Variants in MMP7 observed in about 807,000 individuals in gnomAD.
MMP7 encodes the protein matrix metallopeptidase 7, also known as matrilysin.
A neutral mutation model predicts 31.5 loss-of-function variants in MMP7; 26 were observed. That is an observed-to-expected ratio of 0.83 (90% CI 0.61 to 1.15). The LOEUF (loss-of-function observed/expected upper bound fraction) is 1.15. MMP7 is among the 50% of genes most tolerant of loss of function. The probability of loss-of-function intolerance (pLI) is 0.00; values close to 1 mark genes in which losing one functional copy is unlikely to be tolerated. For missense variants in MMP7, 367 were observed against 326.5 expected, an observed-to-expected ratio of 1.12 and a Z score of -0.96; for synonymous variants, 142 against 124.2, an observed-to-expected ratio of 1.14 and a Z score of -0.95.
At chr11:102,523,764 T>C (rs1858639127) in intron 4 of MMP7, among the ~76,000 whole-genome samples, 2 of 152,212 alleles carry the variant, frequency 1.3e-5, no homozygotes, top group African/African-American at 4.8e-5. Flanking sequence ...GACAGATTAA[T>C]TGATGTTGCT....
At chr11:102,527,256 C>T (rs1470875994) in intron 3 of MMP7, 1 of 444,596 alleles carries the variant, frequency 2.2e-6, no homozygotes, top group Non-Finnish European at 4.1e-6. Flanking sequence ...AGGAGCCTGA[C>T]TGTGTTCCAG....
Position 102,530,670 on chromosome 11 carries a change from G to C in MMP7, c.31C>G (p.Leu11Val). 1 of 1,613,942 alleles carries C rather than the reference G, an allele frequency of 6.2e-7. No individual in the cohort carries two copies. Among genetic ancestry groups the C allele is most frequent in the Non-Finnish European group, 8.5e-7 (1 of 1,179,946 alleles). MRLTVLCAVCLLPGSLALPLP... is the reference protein window; with the variant it reads MRLTVLCAVCVLPGSLALPLP... Reference sequence around the variant, plus strand: ...GGCAGGGCCAGGCTGCCAGGCAGCAGGCACACAGCACACAGCACGGTGAGT... The same window carrying C: ...GGCAGGGCCAGGCTGCCAGGCAGCACGCACACAGCACACAGCACGGTGAGT... Residue 11 changes from leucine to valine, a missense_variant, in exon 1 of 6, where the codon CTG becomes GTG. Leu to Val is a conservative substitution (Grantham distance 32, BLOSUM62 1). Coordinates refer to ENST00000260227, the MANE Select transcript of MMP7 (RefSeq NM_002423.5).
intron 1 of MMP7, among the ~76,000 whole-genome samples, chr11:102,529,103 T>C (rs1408437944): frequency 6.6e-6 from 1 of 152,226 alleles, no homozygotes. Context: ...GTTAAAATGA[T>C]TTAAACATTG....
intron 3 of MMP7, among the ~76,000 whole-genome samples, chr11:102,526,389 G>A (rs764445517): frequency 7.9e-5 from 12 of 151,754 alleles, no homozygotes; most frequent in Admixed American, 1.3e-4. Context: ...ACAGGCATGC[G>A]TCACCATGCT....
At chr11:102,521,337 A>G (rs868128924) in intron 5 of MMP7, among the ~76,000 whole-genome samples, 3 of 152,106 alleles carry the variant, frequency 2.0e-5, no homozygotes, top group Admixed American at 6.5e-5. Context: ...TGCTGGGACT[A>G]CAGACATGCA....
chr11:102,529,194 A>C (rs1391662931), intron 1 of MMP7, among the ~76,000 whole-genome samples: 1 of 152,232 alleles, frequency 6.6e-6, no homozygotes, highest in Non-Finnish European at 1.5e-5. Flanking sequence ...CAATTTATGT[A>C]AGAAATCTTA....
chr11:102,521,746 C>A (rs1407084014), intron 5 of MMP7, among the ~76,000 whole-genome samples: 2 of 152,274 alleles, frequency 1.3e-5, no homozygotes, highest in African/African-American at 4.8e-5. Context: ...AATCAGCATG[C>A]CTCAGACCTT....
Position 102,523,409 on chromosome 11 carries a change from C to T in MMP7, c.614-8G>A, listed in dbSNP as rs748027918. On this transcript the variant is annotated splice_polypyrimidine_tract_variant and splice_region_variant and intron_variant, in intron 4 of 5. Coordinates refer to ENST00000260227, the MANE Select transcript of MMP7 (RefSeq NM_002423.5). ...CATACAGGAAGTTAATCCCTACAACCGAAGAAGTGACAAACAGTAATGATA... is the reference window on the plus strand; with the variant it reads ...CATACAGGAAGTTAATCCCTACAACTGAAGAAGTGACAAACAGTAATGATA... 31 of 1,567,930 alleles carry T rather than the reference C, an allele frequency of 2.0e-5. No homozygotes were observed. The highest frequency in any genetic ancestry group is 2.2e-5 in the East Asian group (1 of 44,484).
intron 3 of MMP7, 164 bp downstream of exon 3, chr11:102,527,360 C>T: frequency 2.2e-6 from 2 of 896,342 alleles, no homozygotes; most frequent in Non-Finnish European, 3.3e-6. Context: ...TCTATATTAC[C>T]AGATTATAAA....
rs1416605868 is a variant in MMP7, at chr11:102,520,815, A to C, written c.776-11T>G. ...AATTACTTCTCTTTCCTATTGAGAGAAAAAAAAAGAACATTCTGATATGTA... is the reference window on the plus strand; with the variant it reads ...AATTACTTCTCTTTCCTATTGAGAGCAAAAAAAAGAACATTCTGATATGTA... On this transcript the variant is annotated splice_polypyrimidine_tract_variant and intron_variant, in intron 5 of 5. Transcript: ENST00000260227. 2.7e-6 allele frequency: 4 copies of C among 1,499,150 alleles called. No individual in the cohort carries two copies. The highest frequency in any genetic ancestry group is 3.6e-6 in the Non-Finnish European group (4 of 1,099,354). 92.9% of individuals were successfully genotyped at this position (1,499,150 alleles called of 1,614,324 possible).
intron 5 of MMP7, among the ~76,000 whole-genome samples, chr11:102,521,627 C>T (rs75952733): frequency 4.9e-4 from 74 of 152,280 alleles, no homozygotes; most frequent in Non-Finnish European, 9.6e-4. Flanking sequence ...TAATTAAATT[C>T]TATTTCCATT....
At position 102,528,054 on chromosome 11, in the gene MMP7, C is replaced by T. The variant is rs561437787; in HGVS notation, c.109-71G>A. 1.7e-5 allele frequency: 19 copies of T among 1,110,648 alleles called. No individual in the cohort carries two copies. In the African/African-American group the frequency reaches 2.9e-4, roughly 17 times the overall value. 68.8% of individuals were successfully genotyped at this position (1,110,648 alleles called of 1,614,324 possible). A position where few individuals can be genotyped will look rare whatever the true frequency, so the allele number is the denominator to read the frequency against. ...TCTTTTATCTTAGAAGCCTATATAT[C>T]TCTTGCCTTTGGTTCCTGTGAATTC... is the stretch of plus-strand genomic sequence containing the variant. On this transcript the variant is annotated intron_variant, in intron 1 of 5. Transcript: ENST00000260227.
At chr11:102,525,999 A>T (rs1699137558) in intron 3 of MMP7, among the ~76,000 whole-genome samples, 1 of 151,804 alleles carries the variant, frequency 6.6e-6, no homozygotes, top group African/African-American at 2.4e-5. Flanking sequence ...TGTTGTCAAT[A>T]TTGTGGGTTG....
At position 102,520,805 on chromosome 11, in the gene MMP7, C is replaced by T. The variant is rs369169553; in HGVS notation, c.776-1G>A. 1.3e-5 allele frequency: 20 copies of T among 1,554,876 alleles called. No individual in the cohort carries two copies. The highest frequency in any genetic ancestry group is 1.8e-5 in the Non-Finnish European group (20 of 1,142,240). ...TTCTTTCTTGAATTACTTCTCTTTCCTATTGAGAGAAAAAAAAAGAACATT... is the reference window on the plus strand; with the variant it reads ...TTCTTTCTTGAATTACTTCTCTTTCTTATTGAGAGAAAAAAAAAGAACATT... On this transcript the variant is annotated splice_acceptor_variant, in intron 5 of 5. Coordinates refer to ENST00000260227, the MANE Select transcript of MMP7 (RefSeq NM_002423.5). LOFTEE classifies it high-confidence loss of function.
At chr11:102,529,457 A>G (rs1276134855) in intron 1 of MMP7, among the ~76,000 whole-genome samples, 1 of 152,160 alleles carries the variant, frequency 6.6e-6, no homozygotes, top group Non-Finnish European at 1.5e-5. Flanking sequence ...GTTTCTGCCA[A>G]CCTTCACTCT....
At chr11:102,525,100 A>ATT in intron 3 of MMP7, 36 bp from the exon 4 acceptor site, 12 of 1,486,872 alleles carry the variant, frequency 8.1e-6, no homozygotes, top group South Asian at 2.5e-5. Flanking sequence ...TTAGTGACTG[A>ATT]TTTTTTTTTT....
chr11:102,521,013 C>T (rs1003208466), intron 5 of MMP7, among the ~76,000 whole-genome samples: 3 of 152,086 alleles, frequency 2.0e-5, no homozygotes, highest in African/African-American at 7.2e-5. Context: ...GCTCAGGTAC[C>T]TTTGCATCTT....
chr11:102,525,057 C>T lies in MMP7; in HGVS notation c.492G>A (p.Gly164=). Reference sequence around the variant, plus strand: ...CTGGCCCATCAAATGGGTAGGAGTCCCCATGAGCTGAAAGAAAATGGAGTG... The same window carrying T: ...CTGGCCCATCAAATGGGTAGGAGTCTCCATGAGCTGAAAGAAAATGGAGTG... ...IMIGFARGAH[G]DSYPFDGPGN... is the part of the protein sequence containing the mutation. The change falls in exon 4 of 6, where the codon GGG becomes GGA. Residue 164 remains glycine, a synonymous_variant. Coordinates refer to ENST00000260227, the MANE Select transcript of MMP7 (RefSeq NM_002423.5). 1 of 1,594,836 alleles carries T rather than the reference C, an allele frequency of 6.3e-7. No individual in the cohort carries two copies. The highest frequency in any genetic ancestry group is 8.5e-7 in the Non-Finnish European group (1 of 1,174,272).
chr11:102,530,456 T>C (rs1250486286), intron 1 of MMP7, 137 bp downstream of exon 1: 1 of 705,614 alleles, frequency 1.4e-6, no homozygotes, highest in Non-Finnish European at 2.5e-6. Context: ...AAACATATAT[T>C]GCTTTTATAA....
Sources: allele counts gnomAD v4.1 joint callset (sites outside exome capture counted in the v4.1 genomes callset), GRCh38; gene constraint gnomAD v4.1.1; transcripts MANE v1.5; gene names NCBI Gene and HGNC (gene_info 2026-07-23, HGNC 2026-07-21).